Variants in RRP1 observed in about 807,000 individuals in gnomAD.
The protein encoded by RRP1 is ribosomal RNA processing 1.
In RRP1, 37 loss-of-function variants were observed where a neutral mutation model predicts 54.6. The observed-to-expected ratio is 0.68, with a 90% CI of 0.52 to 0.89. The LOEUF is 0.89. Ranked by LOEUF, RRP1 falls within the 40% of genes least tolerant of loss-of-function variation. The probability of loss-of-function intolerance (pLI) is 0.00; values close to 1 mark genes in which losing one functional copy is unlikely to be tolerated. For missense variants in RRP1, 639 were observed against 612.5 expected, an observed-to-expected ratio of 1.04 and a Z score of -0.46; for synonymous variants, 262 against 244.3, an observed-to-expected ratio of 1.07 and a Z score of -0.67.
intron 5 of RRP1, 99 bp downstream of exon 5, chr21:43,795,349 A>T: frequency 9.4e-7 from 1 of 1,064,954 alleles, no homozygotes; most frequent in Non-Finnish European, 1.5e-6. Flanking sequence ...GTCAGCCTTT[A>T]TATTAACGCA....
At chr21:43,794,981 A>G (rs2838369) in intron 4 of RRP1, among the ~76,000 whole-genome samples, 7,898 of 152,250 alleles carry the variant, frequency 0.052, 276 homozygotes, top group South Asian at 0.15. Context: ...GGGATAGGGC[A>G]TGTTCTCAGC....
rs944997026 is a variant in RRP1, at chr21:43,804,214, C to T, written c.*440C>T. On this transcript the variant is annotated 3_prime_UTR_variant, in exon 13 of 13. Coordinates refer to ENST00000497547, the MANE Select transcript of RRP1 (RefSeq NM_003683.6). The surrounding 1 kb of genome is among the most constrained non-coding windows in gnomAD (Gnocchi z 4.3). ...TGTGGAAAAATCTTGCAAGACATTT[C>T]TCCTTTCACAGAACTGCCCAGGTGT... is the stretch of plus-strand genomic sequence containing the variant. 1 of 161,142 alleles carries T rather than the reference C, an allele frequency of 6.2e-6. No individual in the cohort carries two copies. The highest frequency in any genetic ancestry group is 2.4e-5 in the African/African-American group (1 of 41,746). The allele number at this position is 161,142 out of a possible 1,614,324, so 10.0% of individuals were successfully genotyped here.
chr21:43,795,149 G>T (rs767023515), intron 4 of RRP1, 40 bp from the exon 5 acceptor site: 6 of 1,591,802 alleles, frequency 3.8e-6, no homozygotes, highest in Non-Finnish European at 5.2e-6. Context: ...GCGAAGTAGG[G>T]CTGGGCTTCT....
At chr21:43,801,241 C>G (rs2085086809) in intron 11 of RRP1, among the ~76,000 whole-genome samples, 1 of 152,164 alleles carries the variant, frequency 6.6e-6, no homozygotes, top group Non-Finnish European at 1.5e-5. Flanking sequence ...ATCGGAAGGA[C>G]GGTTTCCTAG....
Position 43,803,855 on chromosome 21 carries a change from A to G in RRP1, c.*81A>G, listed in dbSNP as rs1399030085. 4 of 1,449,544 alleles carry G rather than the reference A, an allele frequency of 2.8e-6. No homozygotes were observed. The highest frequency in any genetic ancestry group is 3.7e-6 in the Non-Finnish European group (4 of 1,090,584). 89.8% of individuals were successfully genotyped at this position (1,449,544 alleles called of 1,614,324 possible). ...GACGAGGCTGACCGGGCTGTTCTGT[A>G]GACTCAGGACCGTGGCTCCAGAACT... On this transcript the variant is annotated 3_prime_UTR_variant, in exon 13 of 13. Transcript: ENST00000497547.
intron 12 of RRP1, among the ~76,000 whole-genome samples, chr21:43,802,671 T>C (rs1412124113): frequency 6.6e-6 from 1 of 152,170 alleles, no homozygotes; most frequent in Non-Finnish European, 1.5e-5. Flanking sequence ...GCTGCCTCCT[T>C]CCGTGCCTCC....
rs193217787 is a variant in RRP1, at chr21:43,797,614, G to A, written c.553-17G>A. The A allele has an allele frequency of 9.2e-5, 148 of 1,614,154 alleles. No individual in the cohort carries two copies. In the East Asian group the frequency reaches 1.2e-3, roughly 13 times the overall value. ...TTTGTGGAGGAGGAACTGAGCTCCCGCTGGCTTTCCCCGTAGCTTACGGCA... is the reference window on the plus strand; with the variant it reads ...TTTGTGGAGGAGGAACTGAGCTCCCACTGGCTTTCCCCGTAGCTTACGGCA... On this transcript the variant is annotated splice_polypyrimidine_tract_variant and intron_variant, in intron 6 of 12. Coordinates refer to ENST00000497547, the MANE Select transcript of RRP1 (RefSeq NM_003683.6).
chr21:43,799,399 G>T (rs1438982746), intron 8 of RRP1, among the ~76,000 whole-genome samples, 171 bp from the exon 9 acceptor site: 1 of 150,976 alleles, frequency 6.6e-6, no homozygotes, highest in Non-Finnish European at 1.5e-5. Context: ...GGGCTTTCCC[G>T]CCTGTGCCCA....
In RRP1 at chr21:43,799,619, C is replaced by T. The variant is rs756549095; in HGVS notation, c.861C>T (p.Asp287=). ...AGGCTGGTGAGGAGCAGGCAGGTGACGACAGGGACAGTGGCGGCCCCGTTC... is the reference window on the plus strand; with the variant it reads ...AGGCTGGTGAGGAGCAGGCAGGTGATGACAGGGACAGTGGCGGCCCCGTTC... ...EPEAGEEQAG[D]DRDSGGPVLQ... is the part of the protein sequence containing the mutation. The change falls in exon 9 of 13, where the codon GAC becomes GAT. Residue 287 remains aspartate (D), a synonymous_variant. Transcript: ENST00000497547. The T allele has an allele frequency of 2.3e-5, 37 of 1,612,062 alleles. No homozygotes were observed. Among genetic ancestry groups the T allele is most frequent in the African/African-American group, 6.7e-5 (5 of 75,012 alleles).
chr21:43,795,066 G>C, intron 4 of RRP1, 123 bp from the exon 5 acceptor site: 1 of 892,980 alleles, frequency 1.1e-6, no homozygotes. Context: ...GCTGTGTGCT[G>C]GGGCCGGCAG....
chr21:43,798,068 T>C lies in RRP1; in HGVS notation c.779T>C (p.Leu260Pro). ...SSEGGERGDA[L>P]SQKRSEKPPA... ...GAGGGTGGTGAGCGTGGAGACGCGCTGTCCCAGAAGAGGTCTGAGAAGCCG... is the reference window on the plus strand; with the variant it reads ...GAGGGTGGTGAGCGTGGAGACGCGCCGTCCCAGAAGAGGTCTGAGAAGCCG... Residue 260 changes from leucine (L) to proline (P), a missense_variant, in exon 8 of 13, where the codon CTG becomes CCG. Physicochemically the swap from Leu to Pro is moderately conservative, Grantham distance 98. Transcript: ENST00000497547. 3 of 1,613,826 alleles carry C rather than the reference T, an allele frequency of 1.9e-6. No individual in the cohort carries two copies. The highest frequency in any genetic ancestry group is 1.1e-5 in the South Asian group (1 of 91,040).
intron 12 of RRP1, among the ~76,000 whole-genome samples, chr21:43,802,740 C>T (rs563372755): frequency 6.6e-6 from 1 of 152,322 alleles, no homozygotes; most frequent in East Asian, 1.9e-4. Flanking sequence ...TCCTGAGTCT[C>T]TCCACGTCTT....
chr21:43,792,846 C>A, intron 3 of RRP1, 117 bp downstream of exon 3: 2 of 1,055,566 alleles, frequency 1.9e-6, no homozygotes, highest in Non-Finnish European at 2.9e-6. Context: ...TGCCTAAGGG[C>A]AAGAGAGCGC....
Position 43,795,036 on chromosome 21 carries a change from G to T in RRP1, c.361-153G>T, listed in dbSNP as rs540298011. Among the ~76,000 whole-genome samples, 5 of 152,362 alleles carry T rather than the reference G, an allele frequency of 3.3e-5. No individual in the cohort carries two copies. In the South Asian group the frequency reaches 1.0e-3, roughly 32 times the overall value. On this transcript the variant is annotated intron_variant, in intron 4 of 12. Coordinates refer to ENST00000497547, the MANE Select transcript of RRP1 (RefSeq NM_003683.6). The stretch of plus-strand genomic sequence containing the variant: ...GTGGTGTGTCCTCCAGCGTCTGTCT[G>T]TCAGCAGCTCTGGGGGCCGGCTGTG...
intron 8 of RRP1, among the ~76,000 whole-genome samples, chr21:43,799,336 C>T (rs1405378582): frequency 1.4e-5 from 2 of 147,850 alleles, no homozygotes; most frequent in Non-Finnish European, 3.0e-5. Flanking sequence ...ACCTCTCATC[C>T]TGTCCATACG....
intron 1 of RRP1, chr21:43,790,692 A>G: frequency 4.1e-6 from 1 of 243,632 alleles, no homozygotes; most frequent in Non-Finnish European, 8.2e-6. Flanking sequence ...GGCTCAAGTG[A>G]GCCTCCCATC....
chr21:43,790,924 CCTGAG>C (rs2084950156), intron 1 of RRP1: 1 of 448,492 alleles, frequency 2.2e-6, no homozygotes. Context: ...AGTCTGAATG[CCTGAG>C]TTCACTTTCT....
At chr21:43,798,498 T>C (rs1208753042) in intron 8 of RRP1, among the ~76,000 whole-genome samples, 2 of 152,022 alleles carry the variant, frequency 1.3e-5, no homozygotes, top group African/African-American at 4.8e-5. Context: ...GTCCTCCCCA[T>C]AGCGTCACTC....
intron 3 of RRP1, chr21:43,793,105 A>T (rs972364895): frequency 3.5e-6 from 2 of 573,666 alleles, no homozygotes; most frequent in East Asian, 5.9e-5. Context: ...AGAAGTTCTT[A>T]CCCTGCCTGT....
Sources: gnomAD v4.1 joint callset for allele counts (sites outside exome capture counted in the v4.1 genomes callset) on GRCh38, gnomAD v4.1.1 for gene constraint, Gnocchi (gnomAD v3.1) non-coding constraint, MANE v1.5 for transcripts, NCBI Gene and HGNC (gene_info 2026-07-23, HGNC 2026-07-21) for gene names.